Variants in EZH2 observed in about 807,000 individuals in gnomAD.
EZH2 encodes the protein enhancer of zeste 2 polycomb repressive complex 2 subunit.
A neutral mutation model predicts 98.4 loss-of-function variants in EZH2; 18 were observed. The ratio of observed to expected loss-of-function variants is 0.18; its 90% CI spans 0.13 to 0.27. The LOEUF is 0.27. EZH2 is among the 10% of genes least tolerant of loss of function. EZH2 has a pLI of 1.00. For missense variants in EZH2, 470 were observed against 935.1 expected, an observed-to-expected ratio of 0.50 and a Z score of 6.49; for synonymous variants, 338 against 312.3, an observed-to-expected ratio of 1.08 and a Z score of -0.87.
chr7:148,814,830 A>G, intron 14 of EZH2, 84 bp downstream of exon 14: 3 of 1,477,184 alleles, frequency 2.0e-6, no homozygotes, highest in Non-Finnish European at 2.8e-6. Flanking sequence ...GAGTGCTCCC[A>G]TGTTCTTATT....
chr7:148,879,641 G>C (rs765752335), intron 1 of EZH2, among the ~76,000 whole-genome samples: 2 of 152,088 alleles, frequency 1.3e-5, no homozygotes, highest in Non-Finnish European at 2.9e-5. Context: ...AGTGAGCCAA[G>C]ATGGTGCCAC....
intron 1 of EZH2, among the ~76,000 whole-genome samples, chr7:148,848,498 GCA>G (rs961404006): frequency 6.6e-6 from 1 of 152,134 alleles, no homozygotes; most frequent in Admixed American, 6.5e-5. Flanking sequence ...AAAACTTCAT[GCA>G]CAGAGAAAAC....
chr7:148,816,918 C>T lies in EZH2; in HGVS notation c.1411-140G>A. On this transcript the variant is annotated intron_variant, in intron 11 of 19. Transcript: ENST00000320356. ...TGGGGATATAACACACATCGCTGTC[C>T]CTACCCTCACATTAGGGGTAGCTGT... 6.1e-6 allele frequency: 4 copies of T among 652,428 alleles called. No homozygotes were observed. The South Asian group carries it at 7.4e-5, about 12-fold the overall frequency. The allele number at this position is 652,428 out of a possible 1,614,324, so 40.4% of individuals were successfully genotyped here.
intron 1 of EZH2, among the ~76,000 whole-genome samples, chr7:148,871,396 GAATA>G (rs1025461306): frequency 9.9e-5 from 5 of 50,624 alleles, no homozygotes; most frequent in Non-Finnish European, 2.0e-4. Flanking sequence ...AATAAAAGAC[GAATA>G]ATTAAAAAAA....
intron 3 of EZH2, among the ~76,000 whole-genome samples, chr7:148,833,733 A>C (rs1810078946): frequency 6.6e-6 from 1 of 152,182 alleles, no homozygotes; most frequent in Non-Finnish European, 1.5e-5. Flanking sequence ...CTTCTATTTA[A>C]TCCTCATTAC....
At chr7:148,874,615 C>T (rs965633939) in intron 1 of EZH2, among the ~76,000 whole-genome samples, 3 of 151,840 alleles carry the variant, frequency 2.0e-5, no homozygotes, top group African/African-American at 7.3e-5. Context: ...CTTTGTTAAA[C>T]AGGAAAAGGA....
At chr7:148,864,502 G>A (rs992741071) in intron 1 of EZH2, among the ~76,000 whole-genome samples, 2 of 151,898 alleles carry the variant, frequency 1.3e-5, no homozygotes, top group African/African-American at 2.4e-5. Context: ...GGACAATATG[G>A]TGAAACCCTG....
At chr7:148,865,606 T>C (rs1278802723) in intron 1 of EZH2, among the ~76,000 whole-genome samples, 1 of 152,176 alleles carries the variant, frequency 6.6e-6, no homozygotes, top group Non-Finnish European at 1.5e-5. Context: ...TCTGTTCTCA[T>C]TCTAGAGGAA....
chr7:148,843,482 A>T (rs1272245768), intron 3 of EZH2, among the ~76,000 whole-genome samples: 1 of 152,042 alleles, frequency 6.6e-6, no homozygotes, highest in Non-Finnish European at 1.5e-5. Context: ...CACTCACTTC[A>T]GTAAACTTTT....
chr7:148,848,144 C>T (rs1435205794), intron 1 of EZH2, among the ~76,000 whole-genome samples: 1 of 152,162 alleles, frequency 6.6e-6, no homozygotes. Context: ...AGGACATTCT[C>T]TGTCAGGCTA....
At chr7:148,882,102 T>A (rs1821089140) in intron 1 of EZH2, among the ~76,000 whole-genome samples, 1 of 152,150 alleles carries the variant, frequency 6.6e-6, no homozygotes, top group Non-Finnish European at 1.5e-5. Context: ...ACAGAATTAA[T>A]AGTAACTAAT....
chr7:148,851,589 C>A (rs1815789811), intron 1 of EZH2, among the ~76,000 whole-genome samples: 1 of 152,132 alleles, frequency 6.6e-6, no homozygotes, highest in Admixed American at 6.5e-5. Flanking sequence ...GATTCAAGGC[C>A]ACGTACAGTG....
intron 1 of EZH2, among the ~76,000 whole-genome samples, chr7:148,849,929 C>T (rs1815240118): frequency 6.6e-6 from 1 of 152,150 alleles, no homozygotes; most frequent in Non-Finnish European, 1.5e-5. Flanking sequence ...GCTGCCTAGA[C>T]AAATTTCTCC....
At chr7:148,830,967 GAAAGATAATT>G (rs1809225103) in intron 4 of EZH2, among the ~76,000 whole-genome samples, 1 of 152,170 alleles carries the variant, frequency 6.6e-6, no homozygotes, top group Non-Finnish European at 1.5e-5. Flanking sequence ...CAGAATTTTA[GAAAGATAATT>G]ATAATAAGCA....
chr7:148,847,939 C>T (rs1814594495), intron 1 of EZH2, among the ~76,000 whole-genome samples: 1 of 152,166 alleles, frequency 6.6e-6, no homozygotes, highest in Non-Finnish European at 1.5e-5. Context: ...GCAGGAAATG[C>T]AAAGTAAATT....
chr7:148,830,721 G>A (rs1014816275), intron 4 of EZH2, among the ~76,000 whole-genome samples: 6 of 152,180 alleles, frequency 3.9e-5, no homozygotes, highest in African/African-American at 1.4e-4. Context: ...GAAGACAACA[G>A]AGAAGAAAGA....
intron 1 of EZH2, among the ~76,000 whole-genome samples, chr7:148,855,052 CAGG>C (rs1241830490): frequency 1.3e-5 from 2 of 152,186 alleles, no homozygotes; most frequent in African/African-American, 2.4e-5. Context: ...GAGAGGAATC[CAGG>C]AGAAGCAGGC....
intron 8 of EZH2, among the ~76,000 whole-genome samples, chr7:148,819,985 T>C (rs1805547289): frequency 6.6e-6 from 1 of 152,258 alleles, no homozygotes; most frequent in South Asian, 2.1e-4. Flanking sequence ...AAACATTTAC[T>C]TAAATTGAAT....
Position 148,838,827 on chromosome 7 carries a change from C to A in EZH2, c.247-6077G>T, listed in dbSNP as rs139500182. On this transcript the variant is annotated intron_variant, in intron 3 of 19. Coordinates refer to ENST00000320356, the MANE Select transcript of EZH2 (RefSeq NM_004456.5). Reference sequence around the variant, plus strand: ...CAGCACTTTGGGAGGCCAAGGTGGGCGGATCACTTGAGGTCAGGAGTTCAA... The same window carrying A: ...CAGCACTTTGGGAGGCCAAGGTGGGAGGATCACTTGAGGTCAGGAGTTCAA... Among the ~76,000 whole-genome samples, 181 of 152,114 alleles carry A rather than the reference C, an allele frequency of 1.2e-3. 1 individual carries two copies. Among genetic ancestry groups the A allele is most frequent in the African/African-American group, 3.9e-3 (161 of 41,476 alleles).
Sources: allele counts gnomAD v4.1 joint callset (sites outside exome capture counted in the v4.1 genomes callset), GRCh38; gene constraint gnomAD v4.1.1; transcripts MANE v1.5; gene names NCBI Gene and HGNC (gene_info 2026-07-23, HGNC 2026-07-21).